HHAT: variants seen among roughly 807,000 people sequenced by gnomAD.
The protein encoded by HHAT is hedgehog acyltransferase, also known as protein-cysteine N-palmitoyltransferase HHAT.
In HHAT, 47 loss-of-function variants were observed where a neutral mutation model predicts 70.8. That is an observed-to-expected ratio of 0.66 (90% CI 0.53 to 0.85). The LOEUF (loss-of-function observed/expected upper bound fraction) is 0.85, where lower values mean the gene tolerates loss of function less well. Ranked by LOEUF, HHAT falls within the 40% of genes least tolerant of loss-of-function variation. The probability of loss-of-function intolerance (pLI) is 0.00; values close to 1 mark genes in which losing one functional copy is unlikely to be tolerated. For synonymous variants in HHAT, 228 were observed against 247.6 expected, an observed-to-expected ratio of 0.92 and a Z score of 0.74; for missense variants, 609 against 604.8, an observed-to-expected ratio of 1.01 and a Z score of -0.07.
intron 7 of HHAT, among the ~76,000 whole-genome samples, chr1:210,452,739 T>A (rs1177068332): frequency 6.6e-6 from 1 of 152,224 alleles, no homozygotes; most frequent in Non-Finnish European, 1.5e-5. Context: ...CTTCAATTTA[T>A]TATTGAATGG....
At chr1:210,608,203 A>T (rs1665903919) in intron 10 of HHAT, among the ~76,000 whole-genome samples, 1 of 152,148 alleles carries the variant, frequency 6.6e-6, no homozygotes, top group African/African-American at 2.4e-5. Flanking sequence ...GTTACCAAGA[A>T]CAAAATAGGA....
At chr1:210,467,664 T>C (rs2094132996) in intron 8 of HHAT, among the ~76,000 whole-genome samples, 2 of 152,196 alleles carry the variant, frequency 1.3e-5, no homozygotes, top group Non-Finnish European at 2.9e-5. Flanking sequence ...ATAAAGGGCA[T>C]GGTGGATGGG....
intron 8 of HHAT, among the ~76,000 whole-genome samples, chr1:210,467,115 T>C (rs1447822062): frequency 1.3e-5 from 2 of 152,230 alleles, no homozygotes; most frequent in African/African-American, 2.4e-5. Context: ...GGTGTAGGTT[T>C]TCCACTCCAC....
rs376752998 is a variant in HHAT, at chr1:210,347,523, C to G, written c.-43-1410C>G. 3.9e-5 allele frequency among the ~76,000 whole-genome samples: 6 copies of G among 152,174 alleles called. No individual in the cohort carries two copies. The East Asian group carries it at 1.2e-3, about 29-fold the overall frequency. On this transcript the variant is annotated intron_variant, in intron 1 of 11. Transcript: ENST00000261458. ...GAGGTTTAAATAAAGCAGTAAAGGC[C>G]ATAAATGCGTTTAAATTTAGTGAAC...
chr1:210,565,722 G>C (rs1367149888), intron 9 of HHAT, among the ~76,000 whole-genome samples: 1 of 152,168 alleles, frequency 6.6e-6, no homozygotes, highest in Non-Finnish European at 1.5e-5. Flanking sequence ...GCCAGTTGGT[G>C]GGTTGGTATT....
intron 7 of HHAT, among the ~76,000 whole-genome samples, chr1:210,444,775 A>G (rs972042225): frequency 2.0e-5 from 3 of 152,050 alleles, no homozygotes; most frequent in Non-Finnish European, 2.9e-5. Context: ...CAGCCTCCCA[A>G]AGTGCTGAGT....
chr1:210,435,733 T>G (rs538788721), intron 7 of HHAT, among the ~76,000 whole-genome samples: 3 of 151,908 alleles, frequency 2.0e-5, no homozygotes, highest in Non-Finnish European at 4.4e-5. Flanking sequence ...TGAACACTTT[T>G]TCGTATATTT....
Position 210,674,309 on chromosome 1 carries a change from C to G in HHAT, c.1412C>G (p.Ser471Cys). Residue 471 changes from serine to cysteine, a missense_variant, in exon 12 of 12, where the codon TCT becomes TGT. Coordinates refer to ENST00000261458, the MANE Select transcript of HHAT (RefSeq NM_018194.6). ...GCAGGCTGGCCTTGGGTGACCCTCTCTGTCCTGGGATTCCTGTACTGCTAC... is the reference window on the plus strand; with the variant it reads ...GCAGGCTGGCCTTGGGTGACCCTCTGTGTCCTGGGATTCCTGTACTGCTAC... ...FIQGWPWVTL[S>C]VLGFLYCYSH... The G allele has an allele frequency of 2.5e-6, 4 of 1,614,186 alleles. No homozygotes were observed. The highest frequency in any genetic ancestry group is 3.4e-6 in the Non-Finnish European group (4 of 1,180,004).
At chr1:210,429,263 G>A (rs1378586631) in intron 7 of HHAT, among the ~76,000 whole-genome samples, 2 of 151,656 alleles carry the variant, frequency 1.3e-5, no homozygotes, top group Non-Finnish European at 2.9e-5. Context: ...CTTGATAATA[G>A]TACTTTTCTA....
At chr1:210,635,883 T>C (rs1671778379) in intron 11 of HHAT, among the ~76,000 whole-genome samples, 1 of 152,054 alleles carries the variant, frequency 6.6e-6, no homozygotes, top group Non-Finnish European at 1.5e-5. Context: ...TTCCACGTAC[T>C]ACCTGAATGA....
chr1:210,356,215 T>C (rs2087603903), intron 2 of HHAT, among the ~76,000 whole-genome samples: 1 of 152,092 alleles, frequency 6.6e-6, no homozygotes, highest in African/African-American at 2.4e-5. Flanking sequence ...GCCTGGCCTG[T>C]GAAAATTATT....
chr1:210,507,849 A>T (rs903710730), intron 8 of HHAT, among the ~76,000 whole-genome samples: 1 of 152,098 alleles, frequency 6.6e-6, no homozygotes, highest in Non-Finnish European at 1.5e-5. Context: ...ATGACAAAAA[A>T]TTTGAGGTGA....
Position 210,623,581 on chromosome 1 carries a change from G to C in HHAT, c.1301G>C (p.Cys434Ser). The C allele has an allele frequency of 1.2e-6, 2 of 1,613,972 alleles. No individual in the cohort carries two copies. The highest frequency in any genetic ancestry group is 1.7e-6 in the Non-Finnish European group (2 of 1,179,978). ...RRRFHAALAS[C>S]STSMLILSNL... ...CGATTCCACGCTGCCCTTGCTTCTTGTTCCACCTCGATGCTGATCCTGTCC... is the reference window on the plus strand; with the variant it reads ...CGATTCCACGCTGCCCTTGCTTCTTCTTCCACCTCGATGCTGATCCTGTCC... Residue 434 changes from cysteine (C) to serine (S), a missense_variant, in exon 11 of 12, where the codon TGT becomes TCT. Coordinates refer to ENST00000261458, the MANE Select transcript of HHAT (RefSeq NM_018194.6).
At chr1:210,357,520 G>C (rs1299678557) in intron 2 of HHAT, among the ~76,000 whole-genome samples, 1 of 152,060 alleles carries the variant, frequency 6.6e-6, no homozygotes, top group Non-Finnish European at 1.5e-5. Flanking sequence ...ATCAAACCTA[G>C]CATTAAAATA....
intron 7 of HHAT, among the ~76,000 whole-genome samples, chr1:210,438,480 C>G (rs2093430457): frequency 6.6e-6 from 1 of 151,810 alleles, no homozygotes; most frequent in Non-Finnish European, 1.5e-5. Flanking sequence ...CTCCCAGAAA[C>G]TGCTCTGAAG....
chr1:210,366,766 A>C lies in HHAT; in HGVS notation c.159+3847A>C, dbSNP rs78799286. On this transcript the variant is annotated intron_variant, in intron 3 of 11. Transcript: ENST00000261458. ...CTCTTAAATGACCACTCCCTTGGTC[A>C]TGCCGATTTGCCATTCTTACCTTTA... Among the ~76,000 whole-genome samples, 91 of 152,336 alleles carry C rather than the reference A, an allele frequency of 6.0e-4. No individual in the cohort carries two copies. The East Asian group carries it at 0.016, about 27-fold the overall frequency.
chr1:210,505,765 AAGG>A (rs1225586241), intron 8 of HHAT, among the ~76,000 whole-genome samples: 1 of 152,232 alleles, frequency 6.6e-6, no homozygotes, highest in Admixed American at 6.5e-5. Flanking sequence ...AGGTGGAGGC[AAGG>A]ATTGACAGCT....
intron 3 of HHAT, among the ~76,000 whole-genome samples, chr1:210,373,293 G>A (rs549622280): frequency 2.0e-5 from 3 of 152,102 alleles, no homozygotes; most frequent in African/African-American, 4.8e-5. Flanking sequence ...CTGAAATTTG[G>A]GGGGAGGTAT....
Position 210,526,367 on chromosome 1 carries a change from G to GTTT in HHAT, c.1043+13188_1043+13190dup, listed in dbSNP as rs5780585. Among the ~76,000 whole-genome samples the GTTT allele has an allele frequency of 1.1e-3, 151 of 142,374 alleles. 2 individuals carry two copies. The highest frequency in any genetic ancestry group is 4.0e-3 in the South Asian group (18 of 4,514). 93.4% of individuals were successfully genotyped at this position (142,374 alleles called of 152,430 possible). ...TAATAAACTAACCAGAGTGGGTTCT[G>GTTT]TTTTTTTTTTTGCCACTGAGATAAC... On this transcript the variant is annotated intron_variant, in intron 9 of 11. Coordinates refer to ENST00000261458, the MANE Select transcript of HHAT (RefSeq NM_018194.6).
Sources: gnomAD v4.1 joint callset for allele counts (sites outside exome capture counted in the v4.1 genomes callset) on GRCh38, gnomAD v4.1.1 for gene constraint, MANE v1.5 for transcripts, NCBI Gene and HGNC (gene_info 2026-07-23, HGNC 2026-07-21) for gene names.